ADAMTS3: variants seen among roughly 807,000 people sequenced by gnomAD.
ADAMTS3 encodes A disintegrin and metalloproteinase with thrombospondin motifs 3.
Under a neutral mutation model 129.0 loss-of-function variants are expected in ADAMTS3, and 73 were observed. That is an observed-to-expected ratio of 0.57 (90% confidence interval 0.47 to 0.69). ADAMTS3 has a LOEUF of 0.69. Ranked by LOEUF, ADAMTS3 falls within the 30% of genes least tolerant of loss-of-function variation. ADAMTS3 has a pLI of 0.00. For missense variants in ADAMTS3, 1,457 were observed against 1,514.5 expected, an observed-to-expected ratio of 0.96 and a Z score of 0.63; for synonymous variants, 477 against 510.8, an observed-to-expected ratio of 0.93 and a Z score of 0.89.
intron 3 of ADAMTS3, among the ~76,000 whole-genome samples, chr4:72,462,783 T>C (rs1718807482): frequency 6.6e-6 from 1 of 151,800 alleles, no homozygotes; most frequent in Non-Finnish European, 1.5e-5. Context: ...AGTTATACAA[T>C]GCGTTTGGGT....
At chr4:72,479,292 T>C (rs1405988239) in intron 3 of ADAMTS3, among the ~76,000 whole-genome samples, 1 of 152,164 alleles carries the variant, frequency 6.6e-6, no homozygotes, top group Non-Finnish European at 1.5e-5. Context: ...GACTTCAAAC[T>C]ATACTACAAG....
chr4:72,526,607 G>A (rs1288395530), intron 3 of ADAMTS3, among the ~76,000 whole-genome samples: 1 of 47,142 alleles, frequency 2.1e-5, no homozygotes, highest in Non-Finnish European at 5.6e-5. Context: ...TGTGTGTGTA[G>A]AGTCCATGTA....
chr4:72,507,007 G>T (rs1233835079), intron 3 of ADAMTS3, among the ~76,000 whole-genome samples: 1 of 152,176 alleles, frequency 6.6e-6, no homozygotes. Context: ...GAGAAAAGAA[G>T]ACTGTAGTGT....
intron 3 of ADAMTS3, among the ~76,000 whole-genome samples, chr4:72,474,511 A>C (rs1466082532): frequency 2.0e-5 from 3 of 152,146 alleles, no homozygotes; most frequent in African/African-American, 7.2e-5. Flanking sequence ...TAATCTGAAC[A>C]AAAGAAAGAA....
intron 3 of ADAMTS3, among the ~76,000 whole-genome samples, chr4:72,457,628 C>T (rs952659953): frequency 3.3e-5 from 5 of 151,590 alleles, no homozygotes; most frequent in Non-Finnish European, 7.4e-5. Flanking sequence ...CCTGCTCTAA[C>T]CCTAGCCTGT....
chr4:72,285,922 T>C (rs1019381453), intron 21 of ADAMTS3, among the ~76,000 whole-genome samples: 106 of 152,248 alleles, frequency 7.0e-4, no homozygotes, highest in African/African-American at 2.4e-3. Context: ...TCACACATGG[T>C]CTCAAAAGGC....
chr4:72,488,779 C>G (rs1186314376), intron 3 of ADAMTS3, among the ~76,000 whole-genome samples: 1 of 151,710 alleles, frequency 6.6e-6, no homozygotes, highest in African/African-American at 2.4e-5. Context: ...AATATTTTTT[C>G]TTTATTTTCG....
chr4:72,376,458 T>C (rs907408315), intron 4 of ADAMTS3, among the ~76,000 whole-genome samples: 1 of 152,080 alleles, frequency 6.6e-6, no homozygotes, highest in African/African-American at 2.4e-5. Context: ...GGTAGAAAGG[T>C]AAAATGGAGA....
intron 3 of ADAMTS3, among the ~76,000 whole-genome samples, chr4:72,452,900 G>A (rs896683152): frequency 3.3e-5 from 5 of 151,652 alleles, no homozygotes; most frequent in African/African-American, 7.3e-5. Flanking sequence ...GGGATGTATC[G>A]GAGTCTATCT....
chr4:72,565,471 G>A (rs983371989), intron 2 of ADAMTS3, among the ~76,000 whole-genome samples: 2 of 152,116 alleles, frequency 1.3e-5, no homozygotes, highest in African/African-American at 4.8e-5. Context: ...ACTAATCACT[G>A]TACATAAGAT....
At chr4:72,397,866 A>G (rs1427853302) in intron 4 of ADAMTS3, among the ~76,000 whole-genome samples, 2 of 152,162 alleles carry the variant, frequency 1.3e-5, no homozygotes, top group East Asian at 1.9e-4. Context: ...AGAGAAGACC[A>G]TGGATATTCA....
intron 17 of ADAMTS3, among the ~76,000 whole-genome samples, chr4:72,300,762 G>A (rs1357382738): frequency 6.6e-6 from 1 of 152,134 alleles, no homozygotes; most frequent in East Asian, 1.9e-4. Flanking sequence ...GGAAGTCAGT[G>A]CCATATTGTG....
chr4:72,476,631 T>G (rs909423200), intron 3 of ADAMTS3, among the ~76,000 whole-genome samples: 1 of 151,986 alleles, frequency 6.6e-6, no homozygotes, highest in African/African-American at 2.4e-5. Flanking sequence ...AAAATTACAC[T>G]AATCCCCAAA....
At chr4:72,480,473 A>C (rs766807292) in intron 3 of ADAMTS3, among the ~76,000 whole-genome samples, 6 of 151,968 alleles carry the variant, frequency 3.9e-5, no homozygotes, top group South Asian at 2.1e-4. Flanking sequence ...CATGTTCTCA[A>C]TCATAGATGG....
At chr4:72,458,439 A>G (rs1467274006) in intron 3 of ADAMTS3, among the ~76,000 whole-genome samples, 5 of 151,648 alleles carry the variant, frequency 3.3e-5, no homozygotes, top group African/African-American at 1.2e-4. Context: ...AAATTGACAG[A>G]AGAATAGGAA....
intron 11 of ADAMTS3, 67 bp downstream of exon 11, chr4:72,315,791 C>G: frequency 1.9e-6 from 2 of 1,065,114 alleles, no homozygotes; most frequent in South Asian, 1.5e-5. Flanking sequence ...TACCATTTTC[C>G]AGACCTTTAA....
chr4:72,284,246 A>T (rs1304965385), intron 21 of ADAMTS3, among the ~76,000 whole-genome samples: 1 of 152,130 alleles, frequency 6.6e-6, no homozygotes, highest in African/African-American at 2.4e-5. Context: ...GATCGAGACC[A>T]TCCTGGCTAA....
chr4:72,285,697 G>A (rs1718486588), intron 21 of ADAMTS3, among the ~76,000 whole-genome samples: 1 of 135,758 alleles, frequency 7.4e-6, no homozygotes, highest in South Asian at 2.3e-4. Flanking sequence ...GATATTCTGA[G>A]AAAAATAAGA....
At chr4:72,442,639 A>T (rs1718149700) in intron 3 of ADAMTS3, among the ~76,000 whole-genome samples, 2 of 151,754 alleles carry the variant, frequency 1.3e-5, no homozygotes, top group South Asian at 4.1e-4. Context: ...TCAACATGAG[A>T]TGTGAAGGGG....
Sources: gnomAD v4.1 joint callset for allele counts (sites outside exome capture counted in the v4.1 genomes callset) on GRCh38, gnomAD v4.1.1 for gene constraint, MANE v1.5 for transcripts, NCBI Gene and HGNC (gene_info 2026-07-23, HGNC 2026-07-21) for gene names.